PPP6C: variants seen among roughly 807,000 people sequenced by gnomAD.
PPP6C encodes protein phosphatase 6 catalytic subunit.
A neutral mutation model predicts 39.8 loss-of-function variants in PPP6C; 11 were observed. The ratio of observed to expected loss-of-function variants is 0.28; its 90% confidence interval spans 0.17 to 0.46. The LOEUF (loss-of-function observed/expected upper bound fraction) is 0.46. Ranked by LOEUF, PPP6C falls within the 20% of genes least tolerant of loss-of-function variation. The pLI, the probability that PPP6C is intolerant of heterozygous loss-of-function variation, is 1.00. For synonymous variants in PPP6C, 129 were observed against 130.3 expected (o/e 0.99, Z 0.07); for missense variants, 211 against 373.9 (o/e 0.56, Z 3.59).
In PPP6C at chr9:125,146,746, G is replaced by A. The variant is rs1835822425; in HGVS notation, c.*2927C>T. ...AACTGAAGGTGCTTTACAAACATTA[G>A]CATTTAAAAAACAATTACATTTAAA... On this transcript the variant is annotated 3_prime_UTR_variant, in exon 7 of 7. Coordinates refer to ENST00000373547, the MANE Select transcript of PPP6C (RefSeq NM_002721.5). The A allele has an allele frequency of 1.3e-5, 2 of 152,042 alleles. No individual in the cohort carries two copies. Among genetic ancestry groups the A allele is most frequent in the Non-Finnish European group, 2.9e-5 (2 of 68,014 alleles). The allele number at this position is 152,042 out of a possible 1,614,324, so 9.4% of individuals were successfully genotyped here.
intron 3 of PPP6C, 97 bp from the exon 4 acceptor site, chr9:125,158,479 A>G: frequency 8.2e-7 from 1 of 1,219,730 alleles, no homozygotes; most frequent in Non-Finnish European, 1.1e-6. Context: ...TATAACTACA[A>G]TAAAGAGTTA....
At chr9:125,178,831 T>G (rs1829361747) in intron 1 of PPP6C, among the ~76,000 whole-genome samples, 2 of 152,188 alleles carry the variant, frequency 1.3e-5, no homozygotes, top group African/African-American at 4.8e-5. Flanking sequence ...AAGTGTAATT[T>G]AGCACAACCA....
intron 4 of PPP6C, among the ~76,000 whole-genome samples, chr9:125,156,178 T>C (rs2131303289): frequency 6.6e-6 from 1 of 152,258 alleles, no homozygotes; most frequent in East Asian, 1.9e-4. Context: ...ATTACCTAAC[T>C]TTACACGTAT....
intron 2 of PPP6C, 22 bp from the exon 3 acceptor site, chr9:125,160,928 T>C: frequency 6.5e-7 from 1 of 1,530,222 alleles, no homozygotes; most frequent in Non-Finnish European, 8.8e-7. Flanking sequence ...ATGCAATACA[T>C]GCTGATTACA....
chr9:125,188,865 TTACCCA>T, intron 1 of PPP6C: 1 of 1,292,150 alleles, frequency 7.7e-7, no homozygotes, highest in South Asian at 1.5e-5. Context: ...AGTCATTCCT[TTACCCA>T]TACATACATT....
intron 1 of PPP6C, among the ~76,000 whole-genome samples, chr9:125,178,133 T>C (rs1269388336): frequency 6.6e-6 from 1 of 152,240 alleles, no homozygotes; most frequent in African/African-American, 2.4e-5. Flanking sequence ...GGTTTTTGTA[T>C]GGACATAAGT....
intron 1 of PPP6C, among the ~76,000 whole-genome samples, chr9:125,174,311 G>A (rs1050629143): frequency 1.3e-5 from 2 of 152,166 alleles, no homozygotes; most frequent in African/African-American, 4.8e-5. Context: ...AACTCAATGG[G>A]AGTGGGAGGG....
Position 125,171,468 on chromosome 9 carries a change from CACACACACACATATATATATATAT to C in PPP6C, c.76-312_76-289del, listed in dbSNP as rs1239626225. ...AAACACACACACACATATACACACA[CACACACACACATATATATATATAT>C]ATATATATATATATATATATATATG... On this transcript the variant is annotated intron_variant, in intron 1 of 6. Coordinates refer to ENST00000373547, the MANE Select transcript of PPP6C (RefSeq NM_002721.5). Among the ~76,000 whole-genome samples, 376 of 71,532 alleles carry C rather than the reference CACACACACACATATATATATATAT, an allele frequency of 5.3e-3. 5 individuals carry two copies. The highest frequency in any genetic ancestry group is 0.027 in the African/African-American group (353 of 12,954). The allele number at this position is 71,532 out of a possible 152,430, so 46.9% of individuals were successfully genotyped here. A position where few individuals can be genotyped will look rare whatever the true frequency, so the allele number is the denominator to read the frequency against.
intron 1 of PPP6C, among the ~76,000 whole-genome samples, chr9:125,186,088 T>C (rs1829525391): frequency 6.6e-6 from 1 of 152,118 alleles, no homozygotes; most frequent in Middle Eastern, 3.2e-3. Flanking sequence ...GCATTTAGTA[T>C]TTTATCTTCT....
chr9:125,168,844 T>C (rs1469975665), intron 2 of PPP6C, among the ~76,000 whole-genome samples: 1 of 151,880 alleles, frequency 6.6e-6, no homozygotes, highest in Non-Finnish European at 1.5e-5. Flanking sequence ...CACTGCAACC[T>C]CTGCCTCCCG....
chr9:125,170,216 C>T (rs963149367), intron 2 of PPP6C, among the ~76,000 whole-genome samples: 33 of 151,916 alleles, frequency 2.2e-4, no homozygotes, highest in African/African-American at 7.7e-4. Flanking sequence ...ATGAGGTATG[C>T]CCCTCCTGTT....
At chr9:125,156,314 T>C (rs2131303473) in intron 4 of PPP6C, among the ~76,000 whole-genome samples, 1 of 152,304 alleles carries the variant, frequency 6.6e-6, no homozygotes, top group Non-Finnish European at 1.5e-5. Context: ...CTCACTGTCA[T>C]CCAGGCTGGA....
At chr9:125,150,044 A>G (rs911982136) in intron 6 of PPP6C, 123 bp from the exon 7 acceptor site, 1 of 1,245,042 alleles carries the variant, frequency 8.0e-7, no homozygotes. Flanking sequence ...AACGCACTCT[A>G]TAATTATCTC....
In PPP6C at chr9:125,188,515, G is replaced by T. The variant is rs566083167; in HGVS notation, c.75+1129C>A. On this transcript the variant is annotated intron_variant, in intron 1 of 6. Coordinates refer to ENST00000373547, the MANE Select transcript of PPP6C (RefSeq NM_002721.5). ...GAAGCAGTATACCTAGGCCGGCGCG[G>T]TGGCTCACGCCTGTAATACCAGCAC... Among the ~76,000 whole-genome samples the T allele has an allele frequency of 4.1e-4, 63 of 152,254 alleles. No homozygotes were observed. The South Asian group carries it at 9.5e-3, about 23-fold the overall frequency.
At chr9:125,176,020 T>C (rs969913049) in intron 1 of PPP6C, among the ~76,000 whole-genome samples, 3 of 151,686 alleles carry the variant, frequency 2.0e-5, no homozygotes, top group Non-Finnish European at 4.4e-5. Flanking sequence ...GGTGCTGGGG[T>C]GGAGAGTAGG....
intron 2 of PPP6C, among the ~76,000 whole-genome samples, chr9:125,169,103 G>A (rs1263115450): frequency 2.0e-5 from 3 of 152,172 alleles, no homozygotes; most frequent in East Asian, 1.9e-4. Context: ...AATTGTTCAC[G>A]GTTTGGTGGT....
intron 1 of PPP6C, among the ~76,000 whole-genome samples, chr9:125,187,814 A>G (rs1367266109): frequency 1.3e-5 from 2 of 151,978 alleles, no homozygotes; most frequent in Non-Finnish European, 2.9e-5. Context: ...AAGCCACAAA[A>G]GGAATGTCTG....
chr9:125,181,541 T>A (rs1829421779), intron 1 of PPP6C, among the ~76,000 whole-genome samples: 1 of 152,092 alleles, frequency 6.6e-6, no homozygotes, highest in Non-Finnish European at 1.5e-5. Context: ...TCTGCCCATA[T>A]GTTCTCATTG....
In PPP6C at chr9:125,149,981, T is replaced by C. The variant is rs574972519; in HGVS notation, c.670-60A>G. 53 of 1,554,092 alleles carry C rather than the reference T, an allele frequency of 3.4e-5. No individual in the cohort carries two copies. The South Asian group carries it at 5.9e-4, about 17-fold the overall frequency. On this transcript the variant is annotated intron_variant, in intron 6 of 6. Transcript: ENST00000373547. The stretch of plus-strand genomic sequence containing the variant: ...CTTAAAAAACAATCGGCCTACATAA[T>C]CATTTAAATAAAATACCAAATCCTA...
Sources: gnomAD v4.1 joint callset for allele counts (sites outside exome capture counted in the v4.1 genomes callset) on GRCh38, gnomAD v4.1.1 for gene constraint, MANE v1.5 for transcripts, NCBI Gene and HGNC (gene_info 2026-07-23, HGNC 2026-07-21) for gene names.